Variants in TBL1XR1 observed in about 807,000 individuals in gnomAD.
TBL1XR1 encodes the protein F-box-like/WD repeat-containing protein TBL1XR1.
In TBL1XR1, 5 loss-of-function variants were observed where a neutral mutation model predicts 66.9. The observed-to-expected ratio is 0.07, with a 90% CI of 0.04 to 0.16. TBL1XR1 has a LOEUF of 0.16. Ranked by LOEUF, TBL1XR1 falls within the 10% of genes least tolerant of loss-of-function variation. TBL1XR1 has a pLI of 1.00. For missense variants in TBL1XR1, 238 were observed against 623.2 expected (o/e 0.38, Z 6.58); for synonymous variants, 210 against 206.0 (o/e 1.02, Z -0.17).
intron 1 of TBL1XR1, among the ~76,000 whole-genome samples, chr3:177,171,683 A>G (rs1446323048): frequency 7.0e-6 from 1 of 143,108 alleles, no homozygotes; most frequent in Non-Finnish European, 1.5e-5. Context: ...AGCCTGGGCA[A>G]CAGAGCCAGA....
chr3:177,179,590 T>G (rs867180251), intron 1 of TBL1XR1, among the ~76,000 whole-genome samples: 1 of 152,162 alleles, frequency 6.6e-6, no homozygotes, highest in South Asian at 2.1e-4. Flanking sequence ...AAGCTAAAGG[T>G]TGCAGAAGTT....
intron 7 of TBL1XR1, 91 bp downstream of exon 7, chr3:177,049,906 T>C: frequency 6.9e-7 from 1 of 1,444,592 alleles, no homozygotes; most frequent in South Asian, 1.3e-5. Flanking sequence ...CCCCAAATTC[T>C]GAACAAATAG....
At chr3:177,181,902 G>A (rs1468823618) in intron 1 of TBL1XR1, among the ~76,000 whole-genome samples, 1 of 151,904 alleles carries the variant, frequency 6.6e-6, no homozygotes, top group Non-Finnish European at 1.5e-5. Context: ...AAGTGGGCAA[G>A]CCCAAATAAC....
chr3:177,104,026 G>T (rs537110412), intron 1 of TBL1XR1, among the ~76,000 whole-genome samples: 6 of 151,082 alleles, frequency 4.0e-5, no homozygotes, highest in Non-Finnish European at 7.4e-5. Context: ...TGAGGCAGGA[G>T]AATCACTTGA....
intron 2 of TBL1XR1, among the ~76,000 whole-genome samples, chr3:177,073,353 G>T (rs1720282340): frequency 6.6e-6 from 1 of 152,074 alleles, no homozygotes; most frequent in Non-Finnish European, 1.5e-5. Context: ...TCTTTAGTTT[G>T]GTTTCTGTTG....
At chr3:177,172,261 C>CA (rs35087965) in intron 1 of TBL1XR1, among the ~76,000 whole-genome samples, 3,166 of 100,292 alleles carry the variant, frequency 0.032, 202 homozygotes, top group African/African-American at 0.12. Flanking sequence ...ACTCCCACCT[C>CA]AAAAAAAAAA....
chr3:177,046,503 TC>T (rs1274143497), intron 9 of TBL1XR1, among the ~76,000 whole-genome samples: 2 of 152,122 alleles, frequency 1.3e-5, no homozygotes, highest in African/African-American at 4.8e-5. Context: ...AATGTAAGAC[TC>T]GTATAGATGT....
chr3:177,062,482 G>A (rs994631828), intron 3 of TBL1XR1, among the ~76,000 whole-genome samples: 7 of 152,140 alleles, frequency 4.6e-5, no homozygotes, highest in Non-Finnish European at 8.8e-5. Flanking sequence ...CTTAACATAA[G>A]CAGTTCTTAA....
chr3:177,053,971 A>T (rs1357753141), intron 3 of TBL1XR1, 53 bp from the exon 4 acceptor site: 6 of 1,532,332 alleles, frequency 3.9e-6, no homozygotes, highest in Non-Finnish European at 5.3e-6. Flanking sequence ...GCAACATGCT[A>T]AATGACACAG....
At chr3:177,098,911 A>G (rs1319578521) in intron 1 of TBL1XR1, among the ~76,000 whole-genome samples, 1 of 152,236 alleles carries the variant, frequency 6.6e-6, no homozygotes, top group East Asian at 1.9e-4. Flanking sequence ...CTTGCATTCT[A>G]TATTGTTTAA....
chr3:177,147,787 G>C (rs948961023), intron 1 of TBL1XR1, among the ~76,000 whole-genome samples: 1 of 152,146 alleles, frequency 6.6e-6, no homozygotes, highest in African/African-American at 2.4e-5. Flanking sequence ...CATTCCTGAT[G>C]TCCACAGGAA....
At chr3:177,123,654 G>C (rs988280905) in intron 1 of TBL1XR1, among the ~76,000 whole-genome samples, 6 of 152,054 alleles carry the variant, frequency 3.9e-5, no homozygotes, top group Non-Finnish European at 7.4e-5. Flanking sequence ...TATTCTGACT[G>C]AAAACCAGGT....
chr3:177,035,694 A>G (rs1714682618), intron 12 of TBL1XR1, among the ~76,000 whole-genome samples: 1 of 152,172 alleles, frequency 6.6e-6, no homozygotes, highest in African/African-American at 2.4e-5. Context: ...AATTATAGGC[A>G]TGAGCTGTGG....
At chr3:177,135,377 ATAT>A (rs1728866562) in intron 1 of TBL1XR1, among the ~76,000 whole-genome samples, 1 of 30,210 alleles carries the variant, frequency 3.3e-5, no homozygotes, top group Non-Finnish European at 5.4e-5. Flanking sequence ...ATATATATAT[ATAT>A]ATGTATGTAT....
In TBL1XR1 at chr3:177,033,088, T is replaced by G. The variant is rs1003997273; in HGVS notation, c.1299A>C (p.Ile433=). 6.2e-7 allele frequency: 1 copy of G among 1,604,610 alleles called. No homozygotes were observed. The highest frequency in any genetic ancestry group is 8.5e-7 in the Non-Finnish European group (1 of 1,174,222). ...GGTGTTTTGTCAAGGTATGGATGCA[T>G]ATCCCTCGGTCTACATCCCATAACC... ...TVRLWDVDRG[I]CIHTLTKHQE... Residue 433 remains isoleucine, a synonymous_variant, in exon 14 of 16, where the codon ATA becomes ATC. Coordinates refer to ENST00000457928, the MANE Select transcript of TBL1XR1 (RefSeq NM_024665.7).
chr3:177,076,332 C>T (rs1269024180), intron 2 of TBL1XR1, among the ~76,000 whole-genome samples: 1 of 152,230 alleles, frequency 6.6e-6, no homozygotes. Context: ...ACTCTAGTCA[C>T]TTTGCCATGT....
At chr3:177,070,131 A>T (rs1719774553) in intron 2 of TBL1XR1, among the ~76,000 whole-genome samples, 1 of 151,876 alleles carries the variant, frequency 6.6e-6, no homozygotes, top group Non-Finnish European at 1.5e-5. Context: ...TTGAGGCTTG[A>T]AAGCAGTAAA....
intron 1 of TBL1XR1, among the ~76,000 whole-genome samples, chr3:177,176,054 G>A (rs1192246932): frequency 6.9e-6 from 1 of 144,682 alleles, no homozygotes; most frequent in Non-Finnish European, 1.5e-5. Context: ...GCGAGACTCT[G>A]TCTCTAAAAA....
rs1712196646 is a variant in TBL1XR1, at chr3:177,020,391, C to T, written c.*5107G>A. On this transcript the variant is annotated 3_prime_UTR_variant, in exon 16 of 16. Coordinates refer to ENST00000457928, the MANE Select transcript of TBL1XR1 (RefSeq NM_024665.7). The stretch of plus-strand genomic sequence containing the variant: ...CTTTAATAAAAATAGTAAATAACCC[C>T]TTCATTTAAAAAAATCTTATCTCCT... 6.6e-6 allele frequency: 1 copy of T among 151,962 alleles called. No homozygotes were observed. The highest frequency in any genetic ancestry group is 2.4e-5 in the African/African-American group (1 of 41,388). 9.4% of individuals were successfully genotyped at this position (151,962 alleles called of 1,614,324 possible).
Sources: allele counts gnomAD v4.1 joint callset (sites outside exome capture counted in the v4.1 genomes callset), GRCh38; gene constraint gnomAD v4.1.1; transcripts MANE v1.5; gene names NCBI Gene and HGNC (gene_info 2026-07-23, HGNC 2026-07-21).